The following CFAP70 variants were observed in gnomAD, a reference collection of about 807,000 sequenced individuals.
CFAP70 encodes the protein cilia and flagella associated protein 70.
Under a neutral mutation model 137.6 loss-of-function variants are expected in CFAP70, and 81 were observed. The observed-to-expected ratio is 0.59, with a 90% CI of 0.49 to 0.71. The LOEUF is 0.71. Ranked by LOEUF, CFAP70 falls within the 30% of genes least tolerant of loss-of-function variation. The pLI, the probability that CFAP70 is intolerant of heterozygous loss-of-function variation, is 0.00. For missense variants in CFAP70, 976 were observed against 1,226.7 expected (o/e 0.80, Z 3.05); for synonymous variants, 382 against 423.6 (o/e 0.90, Z 1.20).
intron 19 of CFAP70, among the ~76,000 whole-genome samples, chr10:73,286,743 C>G (rs2047748031): frequency 2.0e-5 from 3 of 152,132 alleles, no homozygotes. Context: ...GGGCTGACAG[C>G]CTTCAGAGCT....
chr10:73,333,141 G>T (rs2052298813), intron 7 of CFAP70, among the ~76,000 whole-genome samples: 1 of 152,110 alleles, frequency 6.6e-6, no homozygotes, highest in Admixed American at 6.5e-5. Flanking sequence ...CATTTGATGG[G>T]CTTATCAGTT....
At chr10:73,278,657 C>T (rs985166796) in intron 19 of CFAP70, among the ~76,000 whole-genome samples, 4 of 152,078 alleles carry the variant, frequency 2.6e-5, no homozygotes, top group Admixed American at 6.5e-5. Context: ...CAGATCTTTG[C>T]AAGGATACGT....
intron 7 of CFAP70, among the ~76,000 whole-genome samples, chr10:73,332,822 T>A (rs1478072910): frequency 6.6e-6 from 1 of 152,108 alleles, no homozygotes; most frequent in Non-Finnish European, 1.5e-5. Flanking sequence ...AAATACTAGT[T>A]ACCCCAATTC....
At chr10:73,285,151 T>C (rs2047598463) in intron 19 of CFAP70, among the ~76,000 whole-genome samples, 1 of 151,954 alleles carries the variant, frequency 6.6e-6, no homozygotes, top group Admixed American at 6.5e-5. Context: ...AGTAGAGAAA[T>C]ACAATACTAG....
At chr10:73,257,403 C>A (rs1379087598) in intron 25 of CFAP70, among the ~76,000 whole-genome samples, 1 of 152,176 alleles carries the variant, frequency 6.6e-6, no homozygotes, top group African/African-American at 2.4e-5. Flanking sequence ...ATGAAGCACT[C>A]CTCCAGAAGT....
At chr10:73,322,678 T>A (rs1219960068) in intron 9 of CFAP70, among the ~76,000 whole-genome samples, 1 of 152,226 alleles carries the variant, frequency 6.6e-6, no homozygotes, top group Non-Finnish European at 1.5e-5. Flanking sequence ...GCTCATTTCT[T>A]TTTATTGTTG....
Position 73,348,532 on chromosome 10 carries a change from CA to C in CFAP70, c.251-12del. 1 of 1,486,972 alleles carries C rather than the reference CA, an allele frequency of 6.7e-7. No individual in the cohort carries two copies. 92.1% of individuals were successfully genotyped at this position (1,486,972 alleles called of 1,614,324 possible). On this transcript the variant is annotated splice_polypyrimidine_tract_variant and intron_variant, in intron 3 of 26. Coordinates refer to ENST00000310715, the Ensembl canonical transcript of CFAP70. ...CTTCAGTCACAGTTACTAGAAAAAT[CA>C]AAACAAAGAAAATGAGACATTTAAA...
intron 8 of CFAP70, among the ~76,000 whole-genome samples, chr10:73,323,365 C>A (rs949948959): frequency 2.7e-5 from 4 of 149,664 alleles, no homozygotes; most frequent in Non-Finnish European, 4.4e-5. Context: ...CGAATAGGAA[C>A]AGCTCCGGTC....
chr10:73,320,558 G>C, intron 9 of CFAP70, among the ~76,000 whole-genome samples: 1 of 151,994 alleles, frequency 6.6e-6, no homozygotes, highest in Non-Finnish European at 1.5e-5. Context: ...TGAACTCCTG[G>C]GCTCAAGTGA....
At chr10:73,288,049 C>G (rs1431914292) in intron 19 of CFAP70, among the ~76,000 whole-genome samples, 1 of 152,062 alleles carries the variant, frequency 6.6e-6, no homozygotes, top group Non-Finnish European at 1.5e-5. Context: ...AGGTGCCCAC[C>G]ACTACACCCA....
chr10:73,312,744 G>C, intron 9 of CFAP70, 101 bp from the exon 11 acceptor site: 1 of 1,033,894 alleles, frequency 9.7e-7, no homozygotes, highest in East Asian at 2.5e-5. Flanking sequence ...AAACAATTTC[G>C]ACATTTAATA....
chr10:73,362,446 A>G (rs1418351325), upstream of CFAP70, among the ~76,000 whole-genome samples: 1 of 152,170 alleles, frequency 6.6e-6, no homozygotes, highest in Admixed American at 6.5e-5. Context: ...TTGTGTCTTC[A>G]GTTTCTTTCA....
chr10:73,312,946 G>T (rs936992232), intron 9 of CFAP70, among the ~76,000 whole-genome samples: 3 of 152,086 alleles, frequency 2.0e-5, no homozygotes, highest in African/African-American at 4.8e-5. Flanking sequence ...ACAGAATTTC[G>T]AATTAGGCTA....
intron 5 of CFAP70, 107 bp from the exon 7 acceptor site, chr10:73,341,688 T>C: frequency 1.1e-6 from 1 of 924,780 alleles, no homozygotes; most frequent in Non-Finnish European, 1.7e-6. Context: ...TTATCAAACA[T>C]ACCCCTCTAC....
exon 23 of CFAP70, chr10:73,274,448 A>G (rs1259906096): frequency 6.2e-7 from 1 of 1,612,260 alleles, no homozygotes; most frequent in East Asian, 2.2e-5. Flanking sequence ...TCTCTTCCAG[A>G]TAGATGAGCC....
At chr10:73,307,144 G>A (rs759961753) in intron 12 of CFAP70, among the ~76,000 whole-genome samples, 2 of 152,190 alleles carry the variant, frequency 1.3e-5, no homozygotes, top group African/African-American at 2.4e-5. Context: ...TTCAAACTAA[G>A]CTGTTACAGG....
rs777001340 is a variant in CFAP70, at chr10:73,331,251, G to A, written c.703C>T (p.Arg235Trp). ...CTTGTGATCTCTACAGGCCAAAGCC[G>A]GCAATCGGCAATTCGCTTCTGAAAA... Residue 235 changes from arginine (R) to tryptophan (W), a missense_variant, in exon 8 of 27, where the codon CGG (arginine) becomes TGG (tryptophan). Coordinates refer to ENST00000310715, the Ensembl canonical transcript of CFAP70. The A allele has an allele frequency of 3.5e-5, 56 of 1,613,220 alleles. No individual in the cohort carries two copies. The highest frequency in any genetic ancestry group is 3.3e-4 in the Middle Eastern group (2 of 6,056).
intron 9 of CFAP70, among the ~76,000 whole-genome samples, chr10:73,315,056 A>G (rs764630986): frequency 3.0e-4 from 45 of 152,100 alleles, no homozygotes; most frequent in Non-Finnish European, 4.9e-4. Flanking sequence ...TACAAAAAAA[A>G]TTTTTTGTTT....
chr10:73,310,118 C>A, intron 12 of CFAP70, 40 bp downstream of exon 13: 1 of 1,361,862 alleles, frequency 7.3e-7, no homozygotes, highest in African/African-American at 1.5e-5. Context: ...TATTTATACC[C>A]AAATTGTACA....
Sources: gnomAD v4.1 joint callset for allele counts (sites outside exome capture counted in the v4.1 genomes callset) on GRCh38, gnomAD v4.1.1 for gene constraint, MANE v1.5 for transcripts, NCBI Gene and HGNC (gene_info 2026-07-23, HGNC 2026-07-21) for gene names.